CFAP70: variants seen among roughly 807,000 people sequenced by gnomAD.
CFAP70 encodes the protein cilia- and flagella-associated protein 70.
CFAP70 carries 81 observed loss-of-function variants against 137.6 expected under a neutral mutation model. That is an observed-to-expected ratio of 0.59 (90% confidence interval 0.49 to 0.71). The LOEUF is 0.71. Ranked by LOEUF, CFAP70 falls within the 30% of genes least tolerant of loss-of-function variation. The pLI is 0.00. For missense variants in CFAP70, 976 were observed against 1,226.7 expected (o/e 0.80, Z 3.05); for synonymous variants, 382 against 423.6 (o/e 0.90, Z 1.20).
chr10:73,323,260 T>C (rs916732651), intron 8 of CFAP70, among the ~76,000 whole-genome samples, 163 bp from the exon 10 acceptor site: 8 of 142,890 alleles, frequency 5.6e-5, no homozygotes, highest in African/African-American at 2.1e-4. Context: ...GGGCCTTCTT[T>C]ATCTTCAAAA....
chr10:73,284,374 C>A (rs1351594160), intron 19 of CFAP70, among the ~76,000 whole-genome samples: 2 of 152,024 alleles, frequency 1.3e-5, no homozygotes, highest in South Asian at 4.1e-4. Flanking sequence ...CCAAGATAAT[C>A]TCCCCATTTC....
At chr10:73,266,343 A>G (rs2045772209) in intron 25 of CFAP70, among the ~76,000 whole-genome samples, 1 of 152,130 alleles carries the variant, frequency 6.6e-6, no homozygotes, top group Non-Finnish European at 1.5e-5. Context: ...AGTAACCATC[A>G]TTGTTAGTTT....
At chr10:73,346,602 A>G (rs1462771618) in intron 4 of CFAP70, among the ~76,000 whole-genome samples, 1 of 152,024 alleles carries the variant, frequency 6.6e-6, no homozygotes, top group East Asian at 1.9e-4. Flanking sequence ...GAGATCACAC[A>G]ATTGCAAACC....
chr10:73,296,157 C>T (rs994985098), intron 15 of CFAP70: 6 of 152,174 alleles, frequency 3.9e-5, no homozygotes, highest in African/African-American at 1.2e-4. Flanking sequence ...AGTGTTTTAG[C>T]AAATGTAAAC....
In CFAP70 at chr10:73,312,558, G is replaced by A. The variant is rs773500876; in HGVS notation, c.998C>T (p.Ser333Phe). 1.9e-6 allele frequency: 3 copies of A among 1,612,340 alleles called. No individual in the cohort carries two copies. The South Asian group carries it at 3.3e-5, about 18-fold the overall frequency. Reference sequence around the variant, plus strand: ...CAGATTCTTAGAAACAGCTTGTTTGGACAGCAGAGAATTAATTCCTCCTAT... The same window carrying A: ...CAGATTCTTAGAAACAGCTTGTTTGAACAGCAGAGAATTAATTCCTCCTAT... The change falls in exon 10 of 27, where the codon TCC becomes TTC. Residue 333 changes from serine to phenylalanine, a missense_variant. Physicochemically the swap from Ser to Phe is radical, Grantham distance 155. Transcript: ENST00000310715.
In CFAP70 at chr10:73,274,432, C is replaced by T; in HGVS notation, c.2835+1G>A. 1 of 1,609,538 alleles carries T rather than the reference C, an allele frequency of 6.2e-7. No individual in the cohort carries two copies. The highest frequency in any genetic ancestry group is 8.5e-7 in the Non-Finnish European group (1 of 1,178,542). On this transcript the variant is annotated splice_donor_variant, in intron 23 of 26. Coordinates refer to ENST00000310715, the Ensembl canonical transcript of CFAP70. LOFTEE classifies it high-confidence loss of function. ...GTTATTCCCCATTCTCTACCCCTCA[C>T]CTCTTTCTCTTCCAGATAGATGAGC... is the stretch of plus-strand genomic sequence containing the variant.
At chr10:73,348,288 A>C (rs1564884475) in intron 4 of CFAP70, 53 bp from the exon 5 acceptor site, 1 of 1,589,734 alleles carries the variant, frequency 6.3e-7, no homozygotes, top group African/African-American at 1.3e-5. Flanking sequence ...AGTTGGGATG[A>C]CTGCAGGCAG....
chr10:73,343,102 C>T (rs11000615), intron 5 of CFAP70, among the ~76,000 whole-genome samples: 15,986 of 150,548 alleles, frequency 0.11, 1,218 homozygotes, highest in East Asian at 0.31. Context: ...CCCAGCTACT[C>T]GGGAGGCTGA....
At chr10:73,282,507 G>A (rs1033735179) in intron 19 of CFAP70, among the ~76,000 whole-genome samples, 1 of 152,096 alleles carries the variant, frequency 6.6e-6, no homozygotes, top group Admixed American at 6.6e-5. Context: ...CATTAAAACA[G>A]GGTCTGCATG....
chr10:73,330,674 A>G (rs1213929067), intron 8 of CFAP70, among the ~76,000 whole-genome samples: 1 of 151,970 alleles, frequency 6.6e-6, no homozygotes, highest in Non-Finnish European at 1.5e-5. Flanking sequence ...GAGGATGCAA[A>G]TCAGCTTACT....
intron 5 of CFAP70, among the ~76,000 whole-genome samples, chr10:73,344,442 G>A (rs2053538206): frequency 6.6e-6 from 1 of 152,234 alleles, no homozygotes; most frequent in African/African-American, 2.4e-5. Flanking sequence ...TTCCCCGGAA[G>A]GGTGATCAGC....
intron 13 of CFAP70, 103 bp from the exon 15 acceptor site, chr10:73,299,204 G>GTTTT: frequency 1.4e-6 from 1 of 725,968 alleles, no homozygotes; most frequent in Non-Finnish European, 2.1e-6. Flanking sequence ...TACTTTATTA[G>GTTTT]TTTGTTTGTT....
chr10:73,285,383 G>T (rs1423665953), intron 19 of CFAP70, among the ~76,000 whole-genome samples: 1 of 152,152 alleles, frequency 6.6e-6, no homozygotes, highest in Non-Finnish European at 1.5e-5. Flanking sequence ...AAGAGGAAAA[G>T]TAAACTACAA....
At chr10:73,296,266 A>T (rs2048538764) in intron 15 of CFAP70, 1 of 152,184 alleles carries the variant, frequency 6.6e-6, no homozygotes, top group Admixed American at 6.5e-5. Context: ...CTCCACTCTC[A>T]ATTGCTTTTC....
intron 9 of CFAP70, among the ~76,000 whole-genome samples, chr10:73,317,973 TC>T (rs752754888): frequency 3.3e-5 from 5 of 152,128 alleles, no homozygotes; most frequent in African/African-American, 4.8e-5. Context: ...CTGGCACCGC[TC>T]TCCTCTCTTT....
At chr10:73,273,674 C>T (rs2046477460) in intron 23 of CFAP70, among the ~76,000 whole-genome samples, 1 of 152,222 alleles carries the variant, frequency 6.6e-6, no homozygotes, top group South Asian at 2.1e-4. Context: ...TACTTCACTA[C>T]AGTGGGATAG....
At chr10:73,357,620 T>C (rs2054774086) in intron 1 of CFAP70, among the ~76,000 whole-genome samples, 1 of 152,196 alleles carries the variant, frequency 6.6e-6, no homozygotes, top group Non-Finnish European at 1.5e-5. Flanking sequence ...AGTTTAACTG[T>C]AGTTAAATGT....
chr10:73,298,899 T>C lies in CFAP70; in HGVS notation c.1512+8A>G, dbSNP rs1219516219. ...CCCATGGAGTAATTAAACAAGTGAA[T>C]GTTTTACCTTGAGTTGTTCTTTGAA... On this transcript the variant is annotated splice_region_variant and intron_variant, in intron 14 of 26. Transcript: ENST00000310715. 7 of 1,613,034 alleles carry C rather than the reference T, an allele frequency of 4.3e-6. No individual in the cohort carries two copies. In the Admixed American group the frequency reaches 1.0e-4, roughly 23 times the overall value.
chr10:73,326,272 T>C (rs909186110), intron 8 of CFAP70, among the ~76,000 whole-genome samples: 2 of 150,336 alleles, frequency 1.3e-5, no homozygotes, highest in African/African-American at 2.5e-5. Flanking sequence ...GAAATAAAGA[T>C]GTTCTTTGAA....
Sources: allele counts gnomAD v4.1 joint callset (sites outside exome capture counted in the v4.1 genomes callset), GRCh38; gene constraint gnomAD v4.1.1; transcripts MANE v1.5; gene names NCBI Gene and HGNC (gene_info 2026-07-23, HGNC 2026-07-21).